The following COL4A4 variants were observed in gnomAD, a reference collection of about 807,000 sequenced individuals.
COL4A4 encodes collagen alpha-4(IV) chain.
A neutral mutation model predicts 192.9 loss-of-function variants in COL4A4; 105 were observed. That is an observed-to-expected ratio of 0.54 (90% CI 0.46 to 0.64). The LOEUF is 0.64. COL4A4 is among the 30% of genes least tolerant of loss of function. The pLI, the probability that COL4A4 is intolerant of heterozygous loss-of-function variation, is 0.00. For synonymous variants in COL4A4, 762 were observed against 769.9 expected (o/e 0.99, Z 0.17); for missense variants, 1,967 against 2,169.3 (o/e 0.91, Z 1.85).
chr2:227,025,283 A>G (rs1966777402), intron 43 of COL4A4, among the ~76,000 whole-genome samples: 1 of 152,314 alleles, frequency 6.6e-6, no homozygotes, highest in South Asian at 2.1e-4. Context: ...AAAATAACAC[A>G]TTGTTTTTGC....
At chr2:227,082,811 A>G (rs1466209903) in intron 22 of COL4A4, among the ~76,000 whole-genome samples, 1 of 152,258 alleles carries the variant, frequency 6.6e-6, no homozygotes, top group Non-Finnish European at 1.5e-5. Flanking sequence ...TCTGTATAAC[A>G]GGTAAATAGC....
At chr2:227,084,103 C>T (rs937033327) in intron 22 of COL4A4, among the ~76,000 whole-genome samples, 2 of 152,110 alleles carry the variant, frequency 1.3e-5, no homozygotes, top group African/African-American at 2.4e-5. Context: ...TAGTATAAAT[C>T]AATATATTAG....
intron 5 of COL4A4, 97 bp downstream of exon 5, chr2:227,120,917 T>A: frequency 6.6e-7 from 1 of 1,504,836 alleles, no homozygotes; most frequent in Non-Finnish European, 9.2e-7. Context: ...CTAGCCTGAG[T>A]GACAGAGTAA....
At chr2:226,991,832 T>C in the COL4A4 span, among the ~76,000 whole-genome samples, 1 of 152,202 alleles carries the variant, frequency 6.6e-6, no homozygotes, top group Non-Finnish European at 1.5e-5. Flanking sequence ...AAGTCCCCTT[T>C]TTCAGTAGCC....
chr2:227,123,181 A>T lies in COL4A4; in HGVS notation c.193-2033T>A, dbSNP rs118132001. Among the ~76,000 whole-genome samples the T allele has an allele frequency of 2.5e-4, 38 of 152,294 alleles. No homozygotes were observed. In the East Asian group the frequency reaches 6.4e-3, roughly 26 times the overall value. ...ATGCCCAGGTGGGATGTCACTTTAGATAGTGCTGCTGGCCTTGGCCAGGCC... is the reference window on the plus strand; with the variant it reads ...ATGCCCAGGTGGGATGTCACTTTAGTTAGTGCTGCTGGCCTTGGCCAGGCC... On this transcript the variant is annotated intron_variant, in intron 4 of 47. Coordinates refer to ENST00000396625, the MANE Select transcript of COL4A4 (RefSeq NM_000092.5). This position sits in a 1 kb window ranked among gnomAD's most constrained non-coding sequence, Gnocchi z 4.6.
intron 2 of COL4A4, among the ~76,000 whole-genome samples, chr2:227,146,174 GC>G (rs915469866): frequency 2.3e-4 from 35 of 152,142 alleles, no homozygotes; most frequent in African/African-American, 8.2e-4. Context: ...AGACAGAATG[GC>G]CCCGAGGGGG....
At chr2:226,980,234 C>T in the COL4A4 span, among the ~76,000 whole-genome samples, 1 of 152,070 alleles carries the variant, frequency 6.6e-6, no homozygotes, top group African/African-American at 2.4e-5. Flanking sequence ...AGTAGCTTAT[C>T]CTAGGACACA....
At chr2:227,088,491 G>GT in intron 22 of COL4A4, among the ~76,000 whole-genome samples, 162 bp downstream of exon 22, 1 of 152,302 alleles carries the variant, frequency 6.6e-6, no homozygotes, top group East Asian at 1.9e-4. Context: ...TGCCATGATT[G>GT]TAAGTTTCCT....
intron 12 of COL4A4, among the ~76,000 whole-genome samples, chr2:227,105,573 T>G (rs998100448): frequency 6.6e-6 from 1 of 152,212 alleles, no homozygotes; most frequent in African/African-American, 2.4e-5. Context: ...GCCAAAATTT[T>G]TATTTATGCC....
rs192186541 is a variant in COL4A4 at position 227,124,720 on chromosome 2, C to T, written c.193-3572G>A. On this transcript the variant is annotated intron_variant, in intron 4 of 47. Transcript: ENST00000396625. The stretch of plus-strand genomic sequence containing the variant: ...AGGTGACTGCACAAATTCTAAACTA[C>T]GATCTAAAAGTAAAAACAAACAATG... Among the ~76,000 whole-genome samples, 10 of 152,282 alleles carry T rather than the reference C, an allele frequency of 6.6e-5. No individual in the cohort carries two copies. The East Asian group carries it at 7.7e-4, about 12-fold the overall frequency.
At chr2:227,157,581 T>C (rs1291149235) in intron 1 of COL4A4, among the ~76,000 whole-genome samples, 6 of 151,946 alleles carry the variant, frequency 3.9e-5, no homozygotes, top group Admixed American at 3.9e-4. Flanking sequence ...CAGTATTAAA[T>C]GACAAAGGGG....
chr2:227,162,119 T>G (rs1426891871), intron 1 of COL4A4, among the ~76,000 whole-genome samples: 1 of 152,148 alleles, frequency 6.6e-6, no homozygotes, highest in Non-Finnish European at 1.5e-5. Flanking sequence ...TGGAAAGGAT[T>G]CAAAACTCCA....
chr2:227,152,186 C>A (rs1343712244), intron 1 of COL4A4, among the ~76,000 whole-genome samples: 1 of 152,024 alleles, frequency 6.6e-6, no homozygotes, highest in Admixed American at 6.6e-5. Flanking sequence ...CACCCTGGGA[C>A]AAAGCAGGGT....
intron 44 of COL4A4, 143 bp from the exon 45 acceptor site, chr2:227,012,440 G>C (rs1218733617): frequency 1.4e-6 from 1 of 719,132 alleles, no homozygotes; most frequent in Non-Finnish European, 2.5e-6. Context: ...TTTAGTCTTT[G>C]CAATGACATG....
At chr2:227,045,123 G>A (rs139251028) in intron 35 of COL4A4, among the ~76,000 whole-genome samples, 7 of 152,264 alleles carry the variant, frequency 4.6e-5, no homozygotes, top group Non-Finnish European at 1.0e-4. Flanking sequence ...CAGTAAGTAT[G>A]GGAAAATGTC....
Position 227,060,125 on chromosome 2 carries a change from A to C in COL4A4, c.2164+11T>G, listed in dbSNP as rs936124520. ...AGAAAAAAAAAAAAAAAAAAAAAAA[A>C]CCTCACTGACCAGGTGGACCTGGTA... On this transcript the variant is annotated intron_variant, in intron 27 of 47. Coordinates refer to ENST00000396625, the MANE Select transcript of COL4A4 (RefSeq NM_000092.5). 7.0e-7 allele frequency: 1 copy of C among 1,436,018 alleles called. No homozygotes were observed. The highest frequency in any genetic ancestry group is 9.6e-7 in the Non-Finnish European group (1 of 1,043,382). 89.0% of individuals were successfully genotyped at this position (1,436,018 alleles called of 1,614,324 possible). A position where few individuals can be genotyped will look rare whatever the true frequency, so the allele number is the denominator to read the frequency against.
At chr2:227,106,549 A>G (rs2060854308) in intron 12 of COL4A4, among the ~76,000 whole-genome samples, 1 of 85,882 alleles carries the variant, frequency 1.2e-5, no homozygotes, top group Non-Finnish European at 2.6e-5. Context: ...ATTCTGCATC[A>G]ATATTTTATC....
chr2:227,056,783 T>C (rs1417073564), intron 29 of COL4A4, among the ~76,000 whole-genome samples: 1 of 152,212 alleles, frequency 6.6e-6, no homozygotes, highest in Non-Finnish European at 1.5e-5. Context: ...TGAATAAGAT[T>C]GGTGACCTTA....
At chr2:227,156,105 A>C (rs2064318859) in intron 1 of COL4A4, among the ~76,000 whole-genome samples, 2 of 151,930 alleles carry the variant, frequency 1.3e-5, no homozygotes, top group South Asian at 4.2e-4. Flanking sequence ...AAAGCAATAA[A>C]CATAAAAACC....
Sources: gnomAD v4.1 joint callset for allele counts (sites outside exome capture counted in the v4.1 genomes callset) on GRCh38, gnomAD v4.1.1 for gene constraint, Gnocchi (gnomAD v3.1) non-coding constraint, MANE v1.5 for transcripts, NCBI Gene and HGNC (gene_info 2026-07-23, HGNC 2026-07-21) for gene names.